The following ADK variants were observed in gnomAD, a reference collection of about 807,000 sequenced individuals.
ADK encodes the protein N6,N6-dimethyladenosine kinase.
ADK carries 24 observed loss-of-function variants against 44.7 expected under a neutral mutation model. The observed-to-expected ratio is 0.54, with a 90% confidence interval of 0.39 to 0.76. ADK has a LOEUF of 0.76. Ranked by LOEUF, ADK falls within the 30% of genes least tolerant of loss-of-function variation. ADK has a pLI of 0.00. For synonymous variants in ADK, 128 were observed against 142.6 expected (o/e 0.90, Z 0.73); for missense variants, 321 against 425.1 (o/e 0.76, Z 2.15).
intron 9 of ADK, among the ~76,000 whole-genome samples, chr10:74,615,006 C>T (rs1852697575): frequency 6.6e-6 from 1 of 152,168 alleles, no homozygotes; most frequent in Admixed American, 6.5e-5. Context: ...AGTCCAGCAG[C>T]ACAAGGCTCA....
intron 1 of ADK, among the ~76,000 whole-genome samples, chr10:74,188,423 A>T (rs1591825634): frequency 7.7e-6 from 1 of 129,196 alleles, no homozygotes; most frequent in South Asian, 2.2e-4. Context: ...ATCTTGGCTC[A>T]CTGCAAGCTC....
chr10:74,292,372 G>T (rs1483656794), intron 3 of ADK, among the ~76,000 whole-genome samples: 1 of 152,140 alleles, frequency 6.6e-6, no homozygotes, highest in Non-Finnish European at 1.5e-5. Flanking sequence ...CTTTTTGTAT[G>T]TCAAGGAATC....
intron 7 of ADK, among the ~76,000 whole-genome samples, chr10:74,546,602 G>C (rs1171640431): frequency 1.3e-5 from 2 of 152,058 alleles, no homozygotes; most frequent in African/African-American, 4.8e-5. Flanking sequence ...TTTTAAGTTA[G>C]ATCATTTAAA....
chr10:74,410,911 T>C (rs1173631434), intron 6 of ADK, among the ~76,000 whole-genome samples: 1 of 152,186 alleles, frequency 6.6e-6, no homozygotes, highest in East Asian at 1.9e-4. Flanking sequence ...CAAAGTATTT[T>C]TGGAATTTAT....
intron 9 of ADK, among the ~76,000 whole-genome samples, chr10:74,614,317 A>G (rs529737301): frequency 3.3e-5 from 5 of 152,252 alleles, no homozygotes; most frequent in Admixed American, 2.6e-4. Context: ...AGGGATGTTT[A>G]AGTCAGATTT....
chr10:74,372,959 A>G (rs1379807739), intron 4 of ADK, among the ~76,000 whole-genome samples: 1 of 152,204 alleles, frequency 6.6e-6, no homozygotes, highest in African/African-American at 2.4e-5. Context: ...AGCCATACCA[A>G]TATGTAGTTC....
intron 6 of ADK, among the ~76,000 whole-genome samples, chr10:74,441,463 A>T (rs10740438): frequency 0.61 from 92,680 of 152,108 alleles, 30,520 homozygotes; most frequent in Middle Eastern, 0.78. Flanking sequence ...GGCAGCATTA[A>T]TTATAATAGT....
chr10:74,441,754 A>G (rs985453938), intron 6 of ADK, among the ~76,000 whole-genome samples: 1 of 152,188 alleles, frequency 6.6e-6, no homozygotes, highest in Non-Finnish European at 1.5e-5. Context: ...AGCAAAGGAG[A>G]CAACAAAAGA....
chr10:74,688,411 G>A (rs1233564540), intron 10 of ADK, among the ~76,000 whole-genome samples: 1 of 152,186 alleles, frequency 6.6e-6, no homozygotes, highest in Non-Finnish European at 1.5e-5. Context: ...ACAGTGCCTA[G>A]CATAGAAGAC....
At chr10:74,632,095 T>A (rs1853450393) in intron 9 of ADK, among the ~76,000 whole-genome samples, 1 of 152,138 alleles carries the variant, frequency 6.6e-6, no homozygotes, top group Non-Finnish European at 1.5e-5. Flanking sequence ...TCCCAGAAAC[T>A]GTCTCTCTCC....
chr10:74,223,879 A>G (rs957584556), intron 2 of ADK, among the ~76,000 whole-genome samples: 1 of 152,146 alleles, frequency 6.6e-6, no homozygotes, highest in Non-Finnish European at 1.5e-5. Flanking sequence ...ACTTGTGGTC[A>G]GGAGTTCCAG....
intron 10 of ADK, among the ~76,000 whole-genome samples, chr10:74,691,446 G>A (rs1388115782): frequency 6.6e-6 from 1 of 152,210 alleles, no homozygotes; most frequent in Non-Finnish European, 1.5e-5. Flanking sequence ...ACTATACAGT[G>A]TGAAGTTTGA....
intron 7 of ADK, among the ~76,000 whole-genome samples, chr10:74,563,043 G>C (rs1417705941): frequency 6.6e-6 from 1 of 152,042 alleles, no homozygotes; most frequent in Admixed American, 6.6e-5. Flanking sequence ...TTCAGTTTGA[G>C]ATTTTTTTAT....
chr10:74,682,832 C>G (rs1855662127), intron 10 of ADK, among the ~76,000 whole-genome samples: 1 of 152,094 alleles, frequency 6.6e-6, no homozygotes, highest in Non-Finnish European at 1.5e-5. Context: ...CCTTGGCCTC[C>G]CAAAGTGCTG....
At chr10:74,362,522 A>G (rs1398310588) in intron 4 of ADK, among the ~76,000 whole-genome samples, 2 of 152,104 alleles carry the variant, frequency 1.3e-5, no homozygotes, top group Admixed American at 6.5e-5. Context: ...TGGAGAGATC[A>G]CATATCTCGG....
intron 4 of ADK, among the ~76,000 whole-genome samples, chr10:74,324,522 A>C (rs11000994): frequency 0.65 from 98,823 of 152,022 alleles, 33,350 homozygotes; most frequent in Middle Eastern, 0.8. Context: ...TTGTACCTGG[A>C]TTATTTCTGT....
At chr10:74,356,638 G>GATTGAAAAGTTGT (rs2131926592) in intron 4 of ADK, among the ~76,000 whole-genome samples, 1 of 152,270 alleles carries the variant, frequency 6.6e-6, no homozygotes, top group Non-Finnish European at 1.5e-5. Context: ...TCTCTAGCAA[G>GATTGAAAAGTTGT]CCTATTTCAA....
chr10:74,281,234 A>G (rs115353818), intron 3 of ADK, among the ~76,000 whole-genome samples: 1,812 of 152,362 alleles, frequency 0.012, 42 homozygotes, highest in African/African-American at 0.041. Context: ...GGTTTTGATC[A>G]CTTAACAGAT....
intron 4 of ADK, among the ~76,000 whole-genome samples, chr10:74,380,467 A>C (rs190038707): frequency 2.0e-5 from 3 of 152,096 alleles, no homozygotes; most frequent in African/African-American, 7.2e-5. Context: ...CATGAGAAGA[A>C]TAGTTCTTCT....
Sources: gnomAD v4.1 joint callset for allele counts (sites outside exome capture counted in the v4.1 genomes callset) on GRCh38, gnomAD v4.1.1 for gene constraint, MANE v1.5 for transcripts, NCBI Gene and HGNC (gene_info 2026-07-23, HGNC 2026-07-21) for gene names.